Variants in GNAO1 observed in about 807,000 individuals in gnomAD.
The protein encoded by GNAO1 is guanine nucleotide-binding protein G(o) subunit alpha.
For synonymous variants in GNAO1, 164 were observed against 180.7 expected, an observed-to-expected ratio of 0.91 and a Z score of 0.74; for missense variants, 166 against 478.7, an observed-to-expected ratio of 0.35 and a Z score of 6.10.
chr16:56,232,764 T>C (rs1596811618), intron 2 of GNAO1, among the ~76,000 whole-genome samples: 1 of 152,212 alleles, frequency 6.6e-6, no homozygotes, highest in African/African-American at 2.4e-5. Flanking sequence ...ACATGACATA[T>C]AATAGGCCTC....
Position 56,276,021 on chromosome 16 carries a change from C to T in GNAO1, c.252C>T (p.Ile84=), listed in dbSNP as rs756947463. The T allele has an allele frequency of 1.5e-5, 25 of 1,613,952 alleles. No individual in the cohort carries two copies. The highest frequency in any genetic ancestry group is 3.3e-5 in the Admixed American group (2 of 60,018). Residue 84 remains isoleucine (I), a synonymous_variant, in exon 3 of 9, where the codon ATC becomes ATT. Transcript: ENST00000262493. ...ACACTATCCAGTCCCTGGCAGCCAT[C>T]GTCCGGGCCATGGACACTTTGGGCA... is the stretch of plus-strand genomic sequence containing the variant. The part of the protein sequence containing the change: ...YSNTIQSLAA[I]VRAMDTLGIE...
intron 6 of GNAO1, chr16:56,346,294 G>C: frequency 1.0e-6 from 1 of 985,460 alleles, no homozygotes; most frequent in African/African-American, 1.7e-5. Flanking sequence ...TCGTGGATGT[G>C]GATGTGGGAG....
At chr16:56,318,459 A>C (rs1399709429) in intron 3 of GNAO1, among the ~76,000 whole-genome samples, 1 of 152,076 alleles carries the variant, frequency 6.6e-6, no homozygotes, top group African/African-American at 2.4e-5. Context: ...GGTCCAGCTC[A>C]CGCTCCCTCT....
intron 2 of GNAO1, among the ~76,000 whole-genome samples, chr16:56,253,134 T>TG (rs1198227214): frequency 3.9e-5 from 6 of 152,210 alleles, no homozygotes; most frequent in African/African-American, 1.4e-4. Context: ...CTCCTGGTCC[T>TG]GGGCCCCCTC....
chr16:56,302,974 C>T (rs910654895), intron 3 of GNAO1: 1 of 152,202 alleles, frequency 6.6e-6, no homozygotes, highest in African/African-American at 2.4e-5. Flanking sequence ...AATGCTGTGA[C>T]AAGGAACCAG....
At chr16:56,231,254 G>A (rs765576719) in intron 2 of GNAO1, among the ~76,000 whole-genome samples, 19 of 152,238 alleles carry the variant, frequency 1.2e-4, no homozygotes, top group Non-Finnish European at 1.0e-4. Flanking sequence ...GAAATCCACC[G>A]TGGGGTAGGC....
chr16:56,209,843 G>C (rs1472735574), intron 2 of GNAO1, among the ~76,000 whole-genome samples: 3 of 151,924 alleles, frequency 2.0e-5, no homozygotes, highest in Admixed American at 1.3e-4. Flanking sequence ...CTTATCAGCA[G>C]TTCTCACCAG....
chr16:56,207,692 C>T (rs557623536), intron 2 of GNAO1, among the ~76,000 whole-genome samples: 2 of 152,314 alleles, frequency 1.3e-5, no homozygotes, highest in African/African-American at 4.8e-5. Context: ...TCAAAATAGG[C>T]TCCACCTCTG....
At chr16:56,331,258 C>T (rs1180114182) in intron 4 of GNAO1, among the ~76,000 whole-genome samples, 1 of 152,214 alleles carries the variant, frequency 6.6e-6, no homozygotes, top group Non-Finnish European at 1.5e-5. Context: ...AGGGCTGGCT[C>T]TCCCTTCTGG....
intron 6 of GNAO1, among the ~76,000 whole-genome samples, chr16:56,348,626 T>C (rs1187346001): frequency 6.6e-6 from 1 of 152,228 alleles, no homozygotes; most frequent in Non-Finnish European, 1.5e-5. Context: ...CTTCTTTGAA[T>C]GTACCCCGGC....
chr16:56,226,013 AG>A (rs1262289668), intron 2 of GNAO1, among the ~76,000 whole-genome samples: 1 of 151,962 alleles, frequency 6.6e-6, no homozygotes, highest in African/African-American at 2.4e-5. Context: ...GACAGTACAA[AG>A]ACAGAGCCAG....
chr16:56,328,920 CATA>C, intron 4 of GNAO1, 129 bp downstream of exon 4: 4 of 876,490 alleles, frequency 4.6e-6, no homozygotes, highest in South Asian at 1.6e-5. Context: ...GATGTTCTCC[CATA>C]GGTAGAGGGT....
intron 2 of GNAO1, among the ~76,000 whole-genome samples, chr16:56,209,622 T>C (rs1417256658): frequency 6.6e-6 from 1 of 152,234 alleles, no homozygotes; most frequent in Admixed American, 6.5e-5. Context: ...TTCACCATTA[T>C]TTATCATAAT....
chr16:56,208,837 T>C (rs941198129), intron 2 of GNAO1, among the ~76,000 whole-genome samples: 8 of 152,236 alleles, frequency 5.3e-5, no homozygotes, highest in Non-Finnish European at 1.5e-5. Flanking sequence ...TTCTCATTAA[T>C]TTGTAGGTGT....
chr16:56,351,608 T>A lies in GNAO1; in HGVS notation c.877+71T>A. The A allele has an allele frequency of 7.8e-7, 1 of 1,279,866 alleles. No individual in the cohort carries two copies. The highest frequency in any genetic ancestry group is 1.3e-5 in the South Asian group (1 of 79,858). 79.3% of individuals were successfully genotyped at this position (1,279,866 alleles called of 1,614,324 possible). A position where few individuals can be genotyped will look rare whatever the true frequency, so the allele number is the denominator to read the frequency against. On this transcript the variant is annotated intron_variant, in intron 7 of 8. Transcript: ENST00000262493. This position sits in a 1 kb window ranked among gnomAD's most constrained non-coding sequence, Gnocchi z 6.1. ...GGGACCCATGGCTCAGAGAACAGGC[T>A]GCTCGGCCAGCACTGCTGGGGCTAG...
In GNAO1 at chr16:56,193,566, G is replaced by T. The variant is rs188112717; in HGVS notation, c.161+950G>T. On this transcript the variant is annotated intron_variant, in intron 2 of 8. Transcript: ENST00000262493. ...CAGTTTCCCCTCCTAATTAACTGGG[G>T]GTGGATTTGAGTGATGGTTGAAAAT... 1.9e-3 allele frequency: 290 copies of T among 156,602 alleles called. 1 individual carries two copies. Among genetic ancestry groups the T allele is most frequent in the Non-Finnish European group, 2.4e-3 (171 of 70,734 alleles). The allele number at this position is 156,602 out of a possible 1,614,324, so 9.7% of individuals were successfully genotyped here.
chr16:56,203,663 G>A (rs1305657306), intron 2 of GNAO1, among the ~76,000 whole-genome samples: 1 of 152,210 alleles, frequency 6.6e-6, no homozygotes, highest in African/African-American at 2.4e-5. Flanking sequence ...TGACAGTTAT[G>A]TGAATCAATA....
Position 56,356,544 on chromosome 16 carries a change from T to C in GNAO1, c.*470T>C, listed in dbSNP as rs1396119583. 27 of 152,646 alleles carry C rather than the reference T, an allele frequency of 1.8e-4. No individual in the cohort carries two copies. The highest frequency in any genetic ancestry group is 5.9e-5 in the Non-Finnish European group (4 of 68,170). 9.5% of individuals were successfully genotyped at this position (152,646 alleles called of 1,614,324 possible). A position where few individuals can be genotyped will look rare whatever the true frequency, so the allele number is the denominator to read the frequency against. ...GGCTTTCCAGAAGGCCACAGGCCAC[T>C]GCAAACCCTGCTGCCTGCCGGCCGC... On this transcript the variant is annotated 3_prime_UTR_variant, in exon 9 of 9. Coordinates refer to ENST00000262493, the MANE Select transcript of GNAO1 (RefSeq NM_020988.3).
At chr16:56,345,660 A>G (rs909138836) in intron 6 of GNAO1, 12 of 985,414 alleles carry the variant, frequency 1.2e-5, no homozygotes, top group Non-Finnish European at 1.4e-5. Context: ...ACCTTGCACC[A>G]GGTGCTGGGA....
Sources: gnomAD v4.1 joint callset for allele counts (sites outside exome capture counted in the v4.1 genomes callset) on GRCh38, gnomAD v4.1.1 for gene constraint, Gnocchi (gnomAD v3.1) non-coding constraint, MANE v1.5 for transcripts, NCBI Gene and HGNC (gene_info 2026-07-23, HGNC 2026-07-21) for gene names.